The following PLXNA4 variants were observed in gnomAD, a reference collection of about 807,000 sequenced individuals.
The protein encoded by PLXNA4 is plexin-A4.
In PLXNA4, 44 loss-of-function variants were observed where a neutral mutation model predicts 191.8. The observed-to-expected ratio is 0.23, with a 90% CI of 0.18 to 0.29. The LOEUF is 0.29. Among genes scored for constraint, PLXNA4 ranks in the 10% least tolerant of loss-of-function variants. The pLI, the probability that PLXNA4 is intolerant of heterozygous loss-of-function variation, is 1.00. For synonymous variants in PLXNA4, 1,082 were observed against 1,009.5 expected, an observed-to-expected ratio of 1.07 and a Z score of -1.36; for missense variants, 1,800 against 2,488.8, an observed-to-expected ratio of 0.72 and a Z score of 5.89.
intron 1 of PLXNA4, among the ~76,000 whole-genome samples, chr7:132,574,543 A>G (rs1422020168): frequency 2.0e-5 from 3 of 152,202 alleles, no homozygotes; most frequent in African/African-American, 7.2e-5. Flanking sequence ...CTGAGAACGC[A>G]TGTGTGTATA....
Position 132,381,655 on chromosome 7 carries a change from G to A in PLXNA4, c.1372-83433C>T, listed in dbSNP as rs114152090. Among the ~76,000 whole-genome samples the A allele has an allele frequency of 2.7e-3, 414 of 152,330 alleles. 2 individuals are homozygous for A. The highest frequency in any genetic ancestry group is 9.3e-3 in the African/African-American group (386 of 41,578). ...GGCAAAGAATTTACACCCCTAGCCC[G>A]TGTTCTACTTCACATACACTCACAC... On this transcript the variant is annotated intron_variant, in intron 3 of 31. Coordinates refer to ENST00000321063, the MANE Select transcript of PLXNA4 (RefSeq NM_020911.2).
chr7:132,266,825 G>T (rs560305411), intron 4 of PLXNA4, among the ~76,000 whole-genome samples: 1 of 152,310 alleles, frequency 6.6e-6, no homozygotes, highest in African/African-American at 2.4e-5. Flanking sequence ...GGTACAGTCT[G>T]GTCATCAAAC....
rs556480718 is a variant in PLXNA4 at position 132,599,376 on chromosome 7, T to C, written c.-87+46552A>G. Among the ~76,000 whole-genome samples, 11 of 152,366 alleles carry C rather than the reference T, an allele frequency of 7.2e-5. No homozygotes were observed. In the South Asian group the frequency reaches 2.3e-3, roughly 32 times the overall value. ...AATCTATATTTGAGCATAGCATGTGTCTCCATTTACTCAGATCAACTTCTA... is the reference window on the plus strand; with the variant it reads ...AATCTATATTTGAGCATAGCATGTGCCTCCATTTACTCAGATCAACTTCTA... On this transcript the variant is annotated intron_variant, in intron 2 of 4. Coordinates refer to the PLXNA4 transcript ENST00000378539.
chr7:132,593,704 C>T (rs1390744428), intron 2 of PLXNA4, among the ~76,000 whole-genome samples: 2 of 152,192 alleles, frequency 1.3e-5, no homozygotes, highest in African/African-American at 2.4e-5. Context: ...GGCGTATATC[C>T]ACATGGGCTC....
At position 132,563,078 on chromosome 7, in the gene PLXNA4, TCTC is replaced by T. The variant is rs1321365623; in HGVS notation, c.-87+13341_-87+13343del. 6.4e-3 allele frequency among the ~76,000 whole-genome samples: 162 copies of T among 25,314 alleles called. 4 individuals are homozygous for T. The highest frequency in any genetic ancestry group is 0.011 in the Non-Finnish European group (135 of 12,710). 16.6% of individuals were successfully genotyped at this position (25,314 alleles called of 152,430 possible). On this transcript the variant is annotated intron_variant, in intron 1 of 31. Coordinates refer to ENST00000321063, the MANE Select transcript of PLXNA4 (RefSeq NM_020911.2). ...GCCTCCTTCTCCTCCTCCTCCTCCT[TCTC>T]CTCCTCCTCTTCTTCCTCCTCCTCC...
chr7:132,562,154 TCTCC>T (rs774870786), intron 1 of PLXNA4, among the ~76,000 whole-genome samples: 5 of 63,308 alleles, frequency 7.9e-5, no homozygotes. Flanking sequence ...CTCCTCCTTC[TCTCC>T]TTCTCCTCCT....
chr7:132,228,199 T>C (rs1455069185), intron 6 of PLXNA4, 147 bp downstream of exon 6: 5 of 1,030,204 alleles, frequency 4.9e-6, no homozygotes, highest in African/African-American at 1.6e-5. Flanking sequence ...ACTTAATTCT[T>C]TGATATCCTG....
chr7:132,277,702 G>A (rs147304290), intron 4 of PLXNA4, among the ~76,000 whole-genome samples: 58 of 152,348 alleles, frequency 3.8e-4, no homozygotes, highest in Non-Finnish European at 6.9e-4. Context: ...CCTTGCCATA[G>A]ACTTGTTTGG....
At chr7:132,621,569 T>G (rs1013109228) in intron 2 of PLXNA4, among the ~76,000 whole-genome samples, 1 of 152,190 alleles carries the variant, frequency 6.6e-6, no homozygotes, top group African/African-American at 2.4e-5. Context: ...AATCTCTTAG[T>G]TTTTATACAT....
intron 12 of PLXNA4, 58 bp from the exon 13 acceptor site, chr7:132,198,694 G>A: frequency 6.3e-7 from 1 of 1,594,328 alleles, no homozygotes; most frequent in Non-Finnish European, 8.5e-7. Flanking sequence ...CTCACTTGCT[G>A]ATGAGGCAAG....
intron 3 of PLXNA4, among the ~76,000 whole-genome samples, chr7:132,427,967 CCT>C (rs1417141995): frequency 1.3e-5 from 2 of 152,198 alleles, no homozygotes; most frequent in Admixed American, 1.3e-4. Context: ...CTCCACATCC[CCT>C]CTCCTCTCCC....
intron 1 of PLXNA4, among the ~76,000 whole-genome samples, chr7:132,566,108 G>A (rs1801711203): frequency 6.6e-6 from 1 of 152,174 alleles, no homozygotes; most frequent in South Asian, 2.1e-4. Context: ...GGCGTCAGGG[G>A]AATTTTGTTA....
intron 2 of PLXNA4, among the ~76,000 whole-genome samples, chr7:132,639,537 C>A (rs1803674452): frequency 6.6e-6 from 1 of 152,156 alleles, no homozygotes. Flanking sequence ...CATGCGCCCC[C>A]ACAATCACCA....
At chr7:132,630,258 C>T (rs1803468495) in intron 2 of PLXNA4, among the ~76,000 whole-genome samples, 1 of 152,190 alleles carries the variant, frequency 6.6e-6, no homozygotes, top group Admixed American at 6.5e-5. Flanking sequence ...AATACAGTCA[C>T]ACTGGGTATT....
intron 3 of PLXNA4, among the ~76,000 whole-genome samples, chr7:132,335,440 G>T (rs918123987): frequency 2.0e-5 from 3 of 152,106 alleles, no homozygotes; most frequent in African/African-American, 4.8e-5. Flanking sequence ...TCTTCCCACT[G>T]CCCCAAATCA....
intron 3 of PLXNA4, among the ~76,000 whole-genome samples, chr7:132,419,926 T>A (rs985905739): frequency 2.7e-4 from 41 of 152,278 alleles, no homozygotes; most frequent in Admixed American, 9.8e-4. Context: ...CTTTTTTTTT[T>A]AAATCATTAA....
intron 13 of PLXNA4, among the ~76,000 whole-genome samples, chr7:132,197,383 A>G (rs1797284285): frequency 6.6e-6 from 1 of 152,202 alleles, no homozygotes; most frequent in South Asian, 2.1e-4. Flanking sequence ...TGGGTCCTCT[A>G]TCTTACTTTA....
intron 2 of PLXNA4, among the ~76,000 whole-genome samples, chr7:132,635,112 C>T (rs1358714736): frequency 6.6e-6 from 1 of 151,232 alleles, no homozygotes; most frequent in East Asian, 1.9e-4. Flanking sequence ...CCTCAGCTTG[C>T]AGACAGCCTA....
chr7:132,643,295 C>G (rs114486815), intron 2 of PLXNA4, among the ~76,000 whole-genome samples: 2 of 152,248 alleles, frequency 1.3e-5, no homozygotes, highest in Non-Finnish European at 2.9e-5. Context: ...AGATCATAAA[C>G]TCCTCAAGGG....
Sources: gnomAD v4.1 joint callset for allele counts (sites outside exome capture counted in the v4.1 genomes callset) on GRCh38, gnomAD v4.1.1 for gene constraint, MANE v1.5 for transcripts, NCBI Gene and HGNC (gene_info 2026-07-23, HGNC 2026-07-21) for gene names.